MYO9A: variants seen among roughly 807,000 people sequenced by gnomAD.
MYO9A encodes myosin IXA.
Under a neutral mutation model 293.3 loss-of-function variants are expected in MYO9A, and 103 were observed. That is an observed-to-expected ratio of 0.35 (90% CI 0.30 to 0.41). MYO9A has a LOEUF of 0.41. MYO9A is among the 10% of genes least tolerant of loss of function. The pLI, the probability that MYO9A is intolerant of heterozygous loss-of-function variation, is 1.00. For synonymous variants in MYO9A, 1,001 were observed against 1,035.7 expected (o/e 0.97, Z 0.64); for missense variants, 2,685 against 3,033.0 (o/e 0.89, Z 2.69).
chr15:72,050,308 T>C (rs937924198), intron 1 of MYO9A, among the ~76,000 whole-genome samples: 1 of 152,064 alleles, frequency 6.6e-6, no homozygotes, highest in Non-Finnish European at 1.5e-5. Flanking sequence ...TGGGGAGCTT[T>C]TTCAAAACGT....
intron 15 of MYO9A, among the ~76,000 whole-genome samples, chr15:71,939,645 TTAATGTTATAAA>T (rs1210449640): frequency 1.3e-5 from 2 of 152,224 alleles, no homozygotes; most frequent in Non-Finnish European, 2.9e-5. Context: ...GTATTGAGAA[TTAATGTTATAAA>T]TACGATGAAT....
intron 11 of MYO9A, among the ~76,000 whole-genome samples, chr15:71,980,658 G>C (rs2076249684): frequency 6.6e-6 from 1 of 151,950 alleles, no homozygotes; most frequent in Non-Finnish European, 1.5e-5. Flanking sequence ...AACATATTGA[G>C]ACCCTGACTC....
intron 8 of MYO9A, among the ~76,000 whole-genome samples, chr15:72,006,523 T>G (rs1445985515): frequency 6.6e-6 from 1 of 152,200 alleles, no homozygotes; most frequent in East Asian, 1.9e-4. Context: ...GATCAGTGGT[T>G]GCCAGCAGTT....
At chr15:72,006,543 G>A (rs896263286) in intron 8 of MYO9A, among the ~76,000 whole-genome samples, 8 of 151,988 alleles carry the variant, frequency 5.3e-5, no homozygotes, top group African/African-American at 1.9e-4. Context: ...TTAGGGGGAG[G>A]GACTGAACAG....
intron 39 of MYO9A, among the ~76,000 whole-genome samples, chr15:71,837,212 G>A (rs1170186467): frequency 1.3e-5 from 2 of 152,010 alleles, no homozygotes; most frequent in Non-Finnish European, 2.9e-5. Flanking sequence ...GTAAAGGCTG[G>A]AGGGTAGTTC....
intron 17 of MYO9A, chr15:71,935,073 TTTA>T (rs1233855141): frequency 7.2e-6 from 2 of 279,566 alleles, no homozygotes; most frequent in East Asian, 6.3e-5. Context: ...CAATAAGACC[TTTA>T]TTATCATCTC....
At chr15:71,930,099 G>C (rs1314192980) in intron 18 of MYO9A, among the ~76,000 whole-genome samples, 1 of 152,116 alleles carries the variant, frequency 6.6e-6, no homozygotes, top group African/African-American at 2.4e-5. Context: ...TCTATTGCTG[G>C]CCAGGCATGG....
rs1462907561 is a variant in MYO9A at position 71,852,249 on chromosome 15, C to G, written c.6358G>C (p.Val2120Leu). 5.6e-6 allele frequency: 9 copies of G among 1,608,978 alleles called. No individual in the cohort carries two copies. The highest frequency in any genetic ancestry group is 6.8e-6 in the Non-Finnish European group (8 of 1,176,614). The change falls in exon 36 of 42, where the codon GTA becomes CTA. Residue 2120 changes from valine (V) to leucine (L), a missense_variant. Around this residue, in one of 10 missense-constraint regions of MYO9A, gnomAD observed 238 missense variants for 269.1 expected, o/e 0.88. Coordinates refer to ENST00000356056, the MANE Select transcript of MYO9A (RefSeq NM_006901.4). The part of the protein sequence containing the change: ...RQGLDTDAES[V>L]NLDDYNIHVI... ...TGTATGTTATAGTCATCTAGATTTA[C>G]ACTCTCAGCATCTATTTAGAGACAA...
At chr15:71,858,014 C>T (rs1404898826) in intron 34 of MYO9A, among the ~76,000 whole-genome samples, 1 of 152,308 alleles carries the variant, frequency 6.6e-6, no homozygotes, top group Non-Finnish European at 1.5e-5. Flanking sequence ...AAATGCTCAT[C>T]ATCACTGGCC....
intron 39 of MYO9A, among the ~76,000 whole-genome samples, chr15:71,838,139 G>A (rs185836872): frequency 4.8e-4 from 73 of 152,208 alleles, no homozygotes; most frequent in African/African-American, 1.5e-3. Flanking sequence ...AGATAACACT[G>A]AGAAGTGGTT....
chr15:71,898,956 A>T lies in MYO9A; in HGVS notation c.3547T>A (p.Ser1183Thr). 6.2e-7 allele frequency: 1 copy of T among 1,613,930 alleles called. No individual in the cohort carries two copies. The highest frequency in any genetic ancestry group is 8.5e-7 in the Non-Finnish European group (1 of 1,179,836). The change falls in exon 25 of 42, where the codon TCT becomes ACT. Residue 1183 changes from serine to threonine, a missense_variant. By Grantham distance (58) the Ser-to-Thr change is moderately conservative. Transcript: ENST00000356056. Reference sequence around the variant, plus strand: ...GGGTCTGAACCCTGAATTTCCAGAGATCCATATCCCTTAATATTCACCAAT... The same window carrying T: ...GGGTCTGAACCCTGAATTTCCAGAGTTCCATATCCCTTAATATTCACCAAT... ...VGLVNIKGYG[S>T]LEIQGSDPSG...
chr15:71,837,960 C>T (rs543475628), intron 39 of MYO9A, among the ~76,000 whole-genome samples: 3 of 152,140 alleles, frequency 2.0e-5, no homozygotes, highest in Admixed American at 2.0e-4. Context: ...TTTTTTCAAA[C>T]TGGAATTTTT....
At chr15:71,908,416 G>A (rs1234713680) in intron 19 of MYO9A, among the ~76,000 whole-genome samples, 4 of 152,146 alleles carry the variant, frequency 2.6e-5, no homozygotes, top group Non-Finnish European at 5.9e-5. Flanking sequence ...GCCTGCCTCG[G>A]CCTCCCAAAG....
intron 15 of MYO9A, among the ~76,000 whole-genome samples, chr15:71,949,895 C>T (rs1232806236): frequency 6.6e-6 from 1 of 151,856 alleles, no homozygotes; most frequent in Non-Finnish European, 1.5e-5. Flanking sequence ...TTAGGAAACC[C>T]CTTGTATAAA....
chr15:71,908,049 G>A (rs1224575992), intron 19 of MYO9A, among the ~76,000 whole-genome samples: 3 of 152,166 alleles, frequency 2.0e-5, no homozygotes, highest in Non-Finnish European at 4.4e-5. Context: ...TAATGCCTAG[G>A]TTTTCTTCTA....
At chr15:72,038,693 G>A (rs1182967958) in intron 2 of MYO9A, among the ~76,000 whole-genome samples, 1 of 152,188 alleles carries the variant, frequency 6.6e-6, no homozygotes, top group Non-Finnish European at 1.5e-5. Context: ...CATGTACTGA[G>A]AATGGCAGAG....
intron 1 of MYO9A, among the ~76,000 whole-genome samples, chr15:72,063,932 G>A (rs1227678654): frequency 6.6e-6 from 1 of 152,124 alleles, no homozygotes; most frequent in Non-Finnish European, 1.5e-5. Context: ...AATGGATAAA[G>A]AAAATGTGAT....
At chr15:71,933,732 A>T (rs772582232) in intron 17 of MYO9A, 23 bp from the exon 18 acceptor site, 4 of 1,581,002 alleles carry the variant, frequency 2.5e-6, no homozygotes, top group Non-Finnish European at 2.6e-6. Flanking sequence ...ATCATTCATT[A>T]AAAAAAGCTA....
Position 71,875,794 on chromosome 15 carries a change from A to G in MYO9A, c.5976T>C (p.Asp1992=), listed in dbSNP as rs557797759. ...TAAAAAACAGATTATAACTTACCAA[A>G]TCAGTTTCCTTTTTCCTTCTTTTCT... The part of the protein sequence containing the change: ...ERKKRRKKET[D]LVEEHNGHIF... Residue 1992 remains aspartate (D), a synonymous_variant, in exon 32 of 42, where the codon GAT becomes GAC. Transcript: ENST00000356056. 7 of 1,365,012 alleles carry G rather than the reference A, an allele frequency of 5.1e-6. No homozygotes were observed. Among genetic ancestry groups the G allele is most frequent in the South Asian group, 4.0e-5 (2 of 50,070 alleles). The allele number at this position is 1,365,012 out of a possible 1,614,324, so 84.6% of individuals were successfully genotyped here. A position where few individuals can be genotyped will look rare whatever the true frequency, so the allele number is the denominator to read the frequency against.
Sources: allele counts gnomAD v4.1 joint callset (sites outside exome capture counted in the v4.1 genomes callset), GRCh38; gene constraint gnomAD v4.1.1; regional missense constraint gnomAD v4.1.1; transcripts MANE v1.5; gene names NCBI Gene and HGNC (gene_info 2026-07-23, HGNC 2026-07-21).